Variants in TBC1D5 observed in about 807,000 individuals in gnomAD.
TBC1D5 encodes the protein TBC1 domain family, member 5.
TBC1D5 carries 75 observed loss-of-function variants against 100.3 expected under a neutral mutation model. The observed-to-expected ratio is 0.75, with a 90% CI of 0.62 to 0.91. The LOEUF is 0.91. TBC1D5 is among the 40% of genes least tolerant of loss of function. The pLI, the probability that TBC1D5 is intolerant of heterozygous loss-of-function variation, is 0.00. For synonymous variants in TBC1D5, 323 were observed against 325.6 expected, an observed-to-expected ratio of 0.99 and a Z score of 0.09; for missense variants, 910 against 942.4, an observed-to-expected ratio of 0.97 and a Z score of 0.45.
chr3:17,276,919 T>C (rs1457738444), intron 15 of TBC1D5, among the ~76,000 whole-genome samples: 1 of 152,230 alleles, frequency 6.6e-6, no homozygotes, highest in Non-Finnish European at 1.5e-5. Flanking sequence ...GCTGGCAATG[T>C]CAATGTACAG....
chr3:17,704,849 G>A (rs1348871649), intron 1 of TBC1D5, among the ~76,000 whole-genome samples: 4 of 107,628 alleles, frequency 3.7e-5, no homozygotes, highest in Non-Finnish European at 7.7e-5. Flanking sequence ...CTCCCTCCCG[G>A]ACAGGGCGGC....
intron 19 of TBC1D5, among the ~76,000 whole-genome samples, chr3:17,171,337 T>C (rs1230960326): frequency 6.6e-6 from 1 of 152,236 alleles, no homozygotes; most frequent in Non-Finnish European, 1.5e-5. Flanking sequence ...ATGGAGTTTA[T>C]GTTATTAGCA....
At chr3:17,241,538 G>A (rs1305279949) in intron 16 of TBC1D5, among the ~76,000 whole-genome samples, 1 of 152,152 alleles carries the variant, frequency 6.6e-6, no homozygotes, top group Non-Finnish European at 1.5e-5. Context: ...CTGTTTAGGA[G>A]AGATCATTTT....
At chr3:17,573,230 C>T (rs1345207929) in intron 2 of TBC1D5, among the ~76,000 whole-genome samples, 1 of 152,042 alleles carries the variant, frequency 6.6e-6, no homozygotes, top group Non-Finnish European at 1.5e-5. Flanking sequence ...CCTTTCCGGT[C>T]TTCTCAGATG....
intron 3 of TBC1D5, among the ~76,000 whole-genome samples, chr3:17,505,187 C>T (rs1308043199): frequency 2.0e-5 from 3 of 151,922 alleles, no homozygotes; most frequent in Non-Finnish European, 4.4e-5. Flanking sequence ...AAGGTGAATA[C>T]TGTGACATAC....
intron 15 of TBC1D5, among the ~76,000 whole-genome samples, chr3:17,272,001 C>T (rs1283045873): frequency 6.6e-6 from 1 of 152,154 alleles, no homozygotes; most frequent in Non-Finnish European, 1.5e-5. Context: ...ATCACCTACA[C>T]AGGGAACCTC....
intron 1 of TBC1D5, among the ~76,000 whole-genome samples, chr3:17,695,411 G>A (rs1345851135): frequency 2.6e-5 from 4 of 152,018 alleles, no homozygotes; most frequent in Non-Finnish European, 5.9e-5. Context: ...GATCTACCAA[G>A]CAAATGGAAA....
At chr3:17,635,146 G>C (rs1029138084) in intron 1 of TBC1D5, among the ~76,000 whole-genome samples, 1 of 152,166 alleles carries the variant, frequency 6.6e-6, no homozygotes, top group African/African-American at 2.4e-5. Context: ...TAGAAGGATG[G>C]ATCTGCTATC....
At chr3:17,160,674 T>TGTGA (rs1186877206) in exon 22 of TBC1D5, 1 of 367,300 alleles carries the variant, frequency 2.7e-6, no homozygotes, top group African/African-American at 2.0e-5. Flanking sequence ...CTTTTCTAAC[T>TGTGA]GTGAGTGTGA....
intron 3 of TBC1D5, among the ~76,000 whole-genome samples, chr3:17,432,052 G>A (rs1488620882): frequency 6.6e-6 from 1 of 152,124 alleles, no homozygotes; most frequent in Admixed American, 6.5e-5. Context: ...CTACTCAAAT[G>A]TGTCTTCAGT....
chr3:17,214,800 A>G (rs2073427558), intron 17 of TBC1D5, among the ~76,000 whole-genome samples: 1 of 152,148 alleles, frequency 6.6e-6, no homozygotes, highest in African/African-American at 2.4e-5. Context: ...AGTTTTTCAA[A>G]AAAGCATCTC....
chr3:17,485,320 A>C (rs1462789632), intron 3 of TBC1D5, among the ~76,000 whole-genome samples: 1 of 132,110 alleles, frequency 7.6e-6, no homozygotes, highest in African/African-American at 3.2e-5. Context: ...TTACATTTAC[A>C]AGCCAATATT....
intron 10 of TBC1D5, among the ~76,000 whole-genome samples, chr3:17,375,631 GAA>G (rs1320220734): frequency 6.6e-6 from 1 of 150,476 alleles, no homozygotes; most frequent in Non-Finnish European, 1.5e-5. Context: ...TAGAATAACT[GAA>G]GTGAAAGCAA....
chr3:17,717,600 T>C (rs1259283601), intron 1 of TBC1D5, among the ~76,000 whole-genome samples: 1 of 152,210 alleles, frequency 6.6e-6, no homozygotes, highest in Non-Finnish European at 1.5e-5. Flanking sequence ...GTTACACATG[T>C]TCCTGGCCTG....
chr3:17,314,536 C>T (rs1241580739), intron 13 of TBC1D5, among the ~76,000 whole-genome samples: 4 of 152,122 alleles, frequency 2.6e-5, no homozygotes, highest in African/African-American at 4.8e-5. Flanking sequence ...TGTTCCTCAG[C>T]TTGAGTGTAT....
At chr3:17,580,721 G>T (rs917967143) in intron 2 of TBC1D5, among the ~76,000 whole-genome samples, 2 of 151,952 alleles carry the variant, frequency 1.3e-5, no homozygotes, top group African/African-American at 4.8e-5. Context: ...ACTCTCCCTT[G>T]AATTGTCCAT....
intron 15 of TBC1D5, among the ~76,000 whole-genome samples, chr3:17,277,870 C>G (rs1202418137): frequency 6.6e-6 from 1 of 152,160 alleles, no homozygotes; most frequent in Non-Finnish European, 1.5e-5. Context: ...CTCACTGCAC[C>G]CTCATCAGGC....
At chr3:17,271,640 T>C (rs1046408756) in intron 15 of TBC1D5, among the ~76,000 whole-genome samples, 4 of 152,180 alleles carry the variant, frequency 2.6e-5, no homozygotes, top group African/African-American at 9.7e-5. Flanking sequence ...TCCAGTACTA[T>C]GTTGAATAGG....
At position 17,433,977 on chromosome 3, in the gene TBC1D5, C is replaced by T. The variant is rs543093123; in HGVS notation, c.98-5458G>A. 3.3e-5 allele frequency among the ~76,000 whole-genome samples: 5 copies of T among 152,314 alleles called. No homozygotes were observed. In the South Asian group the frequency reaches 1.0e-3, roughly 32 times the overall value. On this transcript the variant is annotated intron_variant, in intron 3 of 21. Transcript: ENST00000253692. Reference sequence around the variant, plus strand: ...GTACCAAAATGATCTACTTTGACTCCATGTCTCACATCTATGTCACACTGA... The same window carrying T: ...GTACCAAAATGATCTACTTTGACTCTATGTCTCACATCTATGTCACACTGA...
Sources: allele counts gnomAD v4.1 joint callset (sites outside exome capture counted in the v4.1 genomes callset), GRCh38; gene constraint gnomAD v4.1.1; transcripts MANE v1.5; gene names NCBI Gene and HGNC (gene_info 2026-07-23, HGNC 2026-07-21).